SENP7: variants seen among roughly 807,000 people sequenced by gnomAD.
SENP7 encodes SUMO specific peptidase 7, also known as sentrin-specific protease 7.
In SENP7, 64 loss-of-function variants were observed where a neutral mutation model predicts 141.2. The ratio of observed to expected loss-of-function variants is 0.45; its 90% CI spans 0.37 to 0.56. The LOEUF (loss-of-function observed/expected upper bound fraction) is 0.56. Among genes scored for constraint, SENP7 ranks in the 20% least tolerant of loss-of-function variants. The pLI, the probability that SENP7 is intolerant of heterozygous loss-of-function variation, is 0.00. For synonymous variants in SENP7, 382 were observed against 426.4 expected (o/e 0.90, Z 1.28); for missense variants, 1,025 against 1,212.2 (o/e 0.85, Z 2.29).
intron 2 of SENP7, among the ~76,000 whole-genome samples, chr3:101,496,414 TCTGA>T (rs2065159206): frequency 6.6e-6 from 1 of 151,946 alleles, no homozygotes; most frequent in Non-Finnish European, 1.5e-5. Flanking sequence ...CACCATCATA[TCTGA>T]CTAATTTTTT....
At chr3:101,500,610 T>C (rs1430877023) in intron 2 of SENP7, among the ~76,000 whole-genome samples, 3 of 152,210 alleles carry the variant, frequency 2.0e-5, no homozygotes, top group Non-Finnish European at 2.9e-5. Flanking sequence ...CCTATATAGG[T>C]AGAAACTTCG....
chr3:101,330,316 T>C lies in SENP7; in HGVS notation c.2751+18A>G. 1 of 1,574,840 alleles carries C rather than the reference T, an allele frequency of 6.3e-7. No homozygotes were observed. The highest frequency in any genetic ancestry group is 8.7e-7 in the Non-Finnish European group (1 of 1,145,760). Reference sequence around the variant, plus strand: ...TCATGAGTTTTCCTTCCTTCCCATCTGTAAAGAACACACTTACTTGGGAAT... The same window carrying C: ...TCATGAGTTTTCCTTCCTTCCCATCCGTAAAGAACACACTTACTTGGGAAT... On this transcript the variant is annotated intron_variant, in intron 20 of 23. Transcript: ENST00000394095.
At chr3:101,331,318 A>C (rs2059043856) in intron 19 of SENP7, among the ~76,000 whole-genome samples, 1 of 151,726 alleles carries the variant, frequency 6.6e-6, no homozygotes, top group South Asian at 2.1e-4. Flanking sequence ...TATCTTTACA[A>C]AAAAAAATTT....
chr3:101,395,249 A>G (rs1468327732), intron 6 of SENP7, among the ~76,000 whole-genome samples: 3 of 152,114 alleles, frequency 2.0e-5, no homozygotes, highest in East Asian at 1.9e-4. Flanking sequence ...CATGTCCCCT[A>G]TGTTTTCTTC....
intron 5 of SENP7, among the ~76,000 whole-genome samples, chr3:101,407,138 C>T (rs2061329820): frequency 6.6e-6 from 1 of 152,058 alleles, no homozygotes; most frequent in East Asian, 1.9e-4. Context: ...CTCACAGGAC[C>T]AGCTATTCTT....
In SENP7 at chr3:101,368,039, G is replaced by A. The variant is rs1177405361; in HGVS notation, c.797-28C>T. 11 of 1,532,620 alleles carry A rather than the reference G, an allele frequency of 7.2e-6. No individual in the cohort carries two copies. In the Admixed American group the frequency reaches 9.7e-5, roughly 13 times the overall value. The allele number at this position is 1,532,620 out of a possible 1,614,324, so 94.9% of individuals were successfully genotyped here. On this transcript the variant is annotated intron_variant, in intron 7 of 23. Coordinates refer to ENST00000394095, the MANE Select transcript of SENP7 (RefSeq NM_020654.5). Reference sequence around the variant, plus strand: ...TAAAAAACAAATGAAGCATAAATATGGACAAAAAAGTATAGAGAGAATCTC... The same window carrying A: ...TAAAAAACAAATGAAGCATAAATATAGACAAAAAAGTATAGAGAGAATCTC...
intron 2 of SENP7, among the ~76,000 whole-genome samples, chr3:101,500,131 T>C (rs977919483): frequency 2.0e-5 from 3 of 152,234 alleles, no homozygotes; most frequent in Admixed American, 6.5e-5. Context: ...TATAACTATA[T>C]AACATGAAGA....
intron 5 of SENP7, among the ~76,000 whole-genome samples, chr3:101,412,218 T>C (rs191580476): frequency 1.6e-4 from 24 of 152,220 alleles, no homozygotes; most frequent in African/African-American, 5.3e-4. Flanking sequence ...ACTAATTTAG[T>C]TTTCATTTTG....
chr3:101,469,999 G>A (rs901890186), intron 3 of SENP7, among the ~76,000 whole-genome samples: 1 of 152,018 alleles, frequency 6.6e-6, no homozygotes, highest in Non-Finnish European at 1.5e-5. Context: ...CAAAATGAAG[G>A]CAGAAATAAA....
At position 101,382,338 on chromosome 3, in the gene SENP7, G is replaced by A. The variant is rs555901273; in HGVS notation, c.678-10212C>T. 9.2e-5 allele frequency among the ~76,000 whole-genome samples: 14 copies of A among 152,030 alleles called. No individual in the cohort carries two copies. The East Asian group carries it at 2.7e-3, about 29-fold the overall frequency. On this transcript the variant is annotated intron_variant, in intron 6 of 23. Transcript: ENST00000394095. ...ACTACAGGCACACAGTACTGCACCT[G>A]ACTAATTCTTTTTTTAAAAGTTTTT...
chr3:101,373,014 T>C (rs1341298789), intron 6 of SENP7, among the ~76,000 whole-genome samples: 2 of 152,120 alleles, frequency 1.3e-5, no homozygotes, highest in Non-Finnish European at 2.9e-5. Flanking sequence ...ACAAGGACTA[T>C]AAAGACCAAT....
intron 7 of SENP7, among the ~76,000 whole-genome samples, chr3:101,368,405 G>T (rs964566892): frequency 1.3e-5 from 2 of 151,636 alleles, no homozygotes; most frequent in Admixed American, 6.6e-5. Flanking sequence ...CATAAAAAAG[G>T]ATGAGTTCAT....
rs758773957 is a variant in SENP7, at chr3:101,493,859, AT to A, written c.186+13del. On this transcript the variant is annotated intron_variant, in intron 3 of 23. Transcript: ENST00000394095. The stretch of plus-strand genomic sequence containing the variant: ...AAAACTGTATACTTAAAATAAATTA[AT>A]TTTATTTACCACCTGCAAAGGGAGA... The A allele has an allele frequency of 4.7e-5, 69 of 1,472,364 alleles. No homozygotes were observed. The African/African-American group carries it at 6.5e-4, about 14-fold the overall frequency. 91.2% of individuals were successfully genotyped at this position (1,472,364 alleles called of 1,614,324 possible).
At chr3:101,429,475 C>G (rs2062080760) in intron 4 of SENP7, among the ~76,000 whole-genome samples, 1 of 152,084 alleles carries the variant, frequency 6.6e-6, no homozygotes, top group Non-Finnish European at 1.5e-5. Context: ...GGAATTCACT[C>G]ATGATTTGGC....
At chr3:101,330,976 G>A (rs773945904) in intron 19 of SENP7, among the ~76,000 whole-genome samples, 8 of 152,114 alleles carry the variant, frequency 5.3e-5, no homozygotes, top group Non-Finnish European at 1.0e-4. Flanking sequence ...AAAACTCGTG[G>A]AAGAATTATA....
intron 6 of SENP7, among the ~76,000 whole-genome samples, chr3:101,378,688 C>T (rs1181042199): frequency 2.0e-5 from 3 of 152,162 alleles, no homozygotes; most frequent in South Asian, 2.1e-4. Flanking sequence ...GACACCAAAT[C>T]ACAGACTGGC....
At chr3:101,508,091 A>G (rs1427777359) in intron 1 of SENP7, among the ~76,000 whole-genome samples, 1 of 149,828 alleles carries the variant, frequency 6.7e-6, no homozygotes, top group East Asian at 2.0e-4. Context: ...TCCCTTGCCC[A>G]TATTTATGAC....
At chr3:101,417,836 A>G (rs1350201302) in intron 4 of SENP7, 46 bp from the exon 5 acceptor site, 3 of 1,399,464 alleles carry the variant, frequency 2.1e-6, no homozygotes, top group Admixed American at 3.4e-5. Context: ...TACACATTGT[A>G]GAATACATGA....
chr3:101,511,322 C>T (rs1222960520), intron 1 of SENP7, among the ~76,000 whole-genome samples: 1 of 152,158 alleles, frequency 6.6e-6, no homozygotes, highest in Non-Finnish European at 1.5e-5. Flanking sequence ...TGTTGAATTA[C>T]AAGGCAAATA....
Sources: allele counts gnomAD v4.1 joint callset (sites outside exome capture counted in the v4.1 genomes callset), GRCh38; gene constraint gnomAD v4.1.1; transcripts MANE v1.5; gene names NCBI Gene and HGNC (gene_info 2026-07-23, HGNC 2026-07-21).